MCC: variants seen among roughly 807,000 people sequenced by gnomAD.
The protein encoded by MCC is colorectal mutant cancer protein.
Under a neutral mutation model 116.2 loss-of-function variants are expected in MCC, and 90 were observed. The observed-to-expected ratio is 0.77, with a 90% confidence interval of 0.65 to 0.92. The LOEUF (loss-of-function observed/expected upper bound fraction) is 0.92, where lower values mean the gene tolerates loss of function less well. MCC is among the 40% of genes least tolerant of loss of function. MCC has a pLI of 0.00. For synonymous variants in MCC, 578 were observed against 510.5 expected, an observed-to-expected ratio of 1.13 and a Z score of -1.78; for missense variants, 1,516 against 1,312.2, an observed-to-expected ratio of 1.16 and a Z score of -2.40.
At chr5:113,091,678 T>C (rs1755653619) in intron 8 of MCC, among the ~76,000 whole-genome samples, 1 of 152,134 alleles carries the variant, frequency 6.6e-6, no homozygotes, top group African/African-American at 2.4e-5. Context: ...CCCCAGGAGT[T>C]TGAGACCAGC....
At chr5:113,072,765 T>C (rs1274238944) in intron 11 of MCC, among the ~76,000 whole-genome samples, 5 of 152,222 alleles carry the variant, frequency 3.3e-5, no homozygotes, top group Non-Finnish European at 5.9e-5. Flanking sequence ...AGTCCCATGA[T>C]GTTATTAGGC....
chr5:113,420,947 C>T (rs1321814128), intron 1 of MCC, among the ~76,000 whole-genome samples: 3 of 152,166 alleles, frequency 2.0e-5, no homozygotes, highest in Non-Finnish European at 4.4e-5. Flanking sequence ...AAAATACTCA[C>T]TGACTTTACA....
intron 1 of MCC, among the ~76,000 whole-genome samples, chr5:113,472,029 C>T (rs922376815): frequency 2.0e-5 from 3 of 152,068 alleles, no homozygotes; most frequent in Admixed American, 6.5e-5. Flanking sequence ...GTATTAGGGT[C>T]GGAGTGACCC....
At chr5:113,180,048 G>C (rs934223943) in intron 3 of MCC, among the ~76,000 whole-genome samples, 2 of 152,164 alleles carry the variant, frequency 1.3e-5, no homozygotes, top group African/African-American at 4.8e-5. Context: ...AGTACAAAGA[G>C]GATTTCCATG....
intron 17 of MCC, among the ~76,000 whole-genome samples, chr5:113,035,652 G>A (rs1580888402): frequency 1.3e-5 from 2 of 152,076 alleles, no homozygotes; most frequent in Admixed American, 6.6e-5. Context: ...GGCCTCTTCC[G>A]GATATGATTC....
Position 113,135,952 on chromosome 5 carries a change from C to T in MCC, c.884+7266G>A, listed in dbSNP as rs536829073. On this transcript the variant is annotated intron_variant, in intron 5 of 18. Transcript: ENST00000408903. Reference sequence around the variant, plus strand: ...CCTAGCTACTCAGGAGGGGGAGGCACGAGAATCACTTGAACTCAGGAGGCA... The same window carrying T: ...CCTAGCTACTCAGGAGGGGGAGGCATGAGAATCACTTGAACTCAGGAGGCA... Among the ~76,000 whole-genome samples, 7 of 151,876 alleles carry T rather than the reference C, an allele frequency of 4.6e-5. No individual in the cohort carries two copies. In the South Asian group the frequency reaches 8.4e-4, roughly 18 times the overall value.
chr5:113,028,799 G>C (rs530815068), intron 18 of MCC, 135 bp downstream of exon 18: 7 of 1,030,678 alleles, frequency 6.8e-6, no homozygotes, highest in African/African-American at 1.6e-5. Flanking sequence ...GCCAGGTAGG[G>C]ACTCACCCAC....
chr5:113,122,863 G>T (rs758547146), intron 5 of MCC, 37 bp from the exon 6 acceptor site: 1 of 1,604,726 alleles, frequency 6.2e-7, no homozygotes, highest in South Asian at 1.1e-5. Flanking sequence ...ACTAACAGAG[G>T]ATATAAGACA....
In MCC at chr5:113,334,629, C is replaced by T. The variant is rs375270443; in HGVS notation, c.627+5890G>A. ...TTTTTGAGATGCAGTCTCGCTCTGT[C>T]GCCCAGGCTGGAGTGCAGTGGCGTG... On this transcript the variant is annotated intron_variant, in intron 3 of 18. Transcript: ENST00000408903. Among the ~76,000 whole-genome samples, 45 of 121,820 alleles carry T rather than the reference C, an allele frequency of 3.7e-4. 4 individuals carry two copies. The highest frequency in any genetic ancestry group is 1.4e-3 in the East Asian group (6 of 4,402). The allele number at this position is 121,820 out of a possible 152,430, so 79.9% of individuals were successfully genotyped here. A position where few individuals can be genotyped will look rare whatever the true frequency, so the allele number is the denominator to read the frequency against.
rs1771629004 is a variant in MCC at position 113,458,091 on chromosome 5, G to T, written c.170+30154C>A. 2.0e-5 allele frequency among the ~76,000 whole-genome samples: 3 copies of T among 152,270 alleles called. No individual in the cohort carries two copies. In the South Asian group the frequency reaches 6.2e-4, roughly 32 times the overall value. Reference sequence around the variant, plus strand: ...TCTACCAATCAGCGGGATGTGGGTGGGGCCAGATAAGAGAATAAAAGCAGG... The same window carrying T: ...TCTACCAATCAGCGGGATGTGGGTGTGGCCAGATAAGAGAATAAAAGCAGG... On this transcript the variant is annotated intron_variant, in intron 1 of 18. Transcript: ENST00000408903.
intron 3 of MCC, among the ~76,000 whole-genome samples, chr5:113,273,958 G>T (rs936116902): frequency 6.6e-6 from 1 of 152,156 alleles, no homozygotes; most frequent in African/African-American, 2.4e-5. Context: ...GCTCCTCTCA[G>T]GATATTATGT....
intron 3 of MCC, among the ~76,000 whole-genome samples, chr5:113,338,122 T>C (rs1767914811): frequency 1.3e-5 from 2 of 152,238 alleles, no homozygotes; most frequent in Admixed American, 6.5e-5. Context: ...TCAAATGGTA[T>C]TTTTAAAGTT....
At chr5:113,350,670 C>G (rs982927159) in intron 2 of MCC, among the ~76,000 whole-genome samples, 1 of 151,952 alleles carries the variant, frequency 6.6e-6, no homozygotes, top group African/African-American at 2.4e-5. Flanking sequence ...GCAACAAAAG[C>G]AAAACTGGAC....
intron 3 of MCC, among the ~76,000 whole-genome samples, chr5:113,156,508 G>A (rs1436509500): frequency 2.0e-5 from 3 of 152,210 alleles, no homozygotes; most frequent in African/African-American, 7.2e-5. Flanking sequence ...TCCTGGAGAA[G>A]CGTTATCACC....
intron 5 of MCC, among the ~76,000 whole-genome samples, chr5:113,132,200 C>T (rs1006110743): frequency 6.6e-6 from 1 of 150,814 alleles, no homozygotes; most frequent in Non-Finnish European, 1.5e-5. Flanking sequence ...AAACATTATT[C>T]CTAACAATAG....
In MCC at chr5:113,027,368, G is replaced by A. The variant is rs148412524; in HGVS notation, c.2994C>T (p.Leu998=). The A allele has an allele frequency of 1.9e-6, 3 of 1,614,066 alleles. No individual in the cohort carries two copies. Among genetic ancestry groups the A allele is most frequent in the Non-Finnish European group, 2.5e-6 (3 of 1,180,050 alleles). The part of the protein sequence containing the change: ...VERHETQVRM[L]KQRIALLEEE... ...CCTCTAGCAGAGCTATTCTTTGCTT[G>A]AGCATCCTCACTTGGGTCTCATGTC... Residue 998 remains leucine, a synonymous_variant, in exon 19 of 19, where the codon CTC becomes CTT. Transcript: ENST00000408903.
At chr5:113,053,438 G>A (rs761988099) in intron 15 of MCC, among the ~76,000 whole-genome samples, 5 of 152,150 alleles carry the variant, frequency 3.3e-5, no homozygotes, top group Non-Finnish European at 7.3e-5. Context: ...ATGGACAGAG[G>A]CTCCACCCTG....
intron 1 of MCC, among the ~76,000 whole-genome samples, chr5:113,452,284 G>T (rs1689695285): frequency 6.6e-6 from 1 of 152,204 alleles, no homozygotes; most frequent in African/African-American, 2.4e-5. Flanking sequence ...TATAGGAATG[G>T]GAAGAATTGT....
chr5:113,411,254 C>T (rs1444906026), intron 1 of MCC, among the ~76,000 whole-genome samples: 1 of 152,122 alleles, frequency 6.6e-6, no homozygotes, highest in Non-Finnish European at 1.5e-5. Context: ...TTCTCCATAT[C>T]CTCTCCAGCA....
Sources: gnomAD v4.1 joint callset for allele counts (sites outside exome capture counted in the v4.1 genomes callset) on GRCh38, gnomAD v4.1.1 for gene constraint, MANE v1.5 for transcripts, NCBI Gene and HGNC (gene_info 2026-07-23, HGNC 2026-07-21) for gene names.